Variants in NLGN3 observed in about 807,000 individuals in gnomAD.
NLGN3 encodes neuroligin 3.
In NLGN3, 11 loss-of-function variants were observed where a neutral mutation model predicts 42.9. The observed-to-expected ratio is 0.26, with a 90% CI of 0.16 to 0.42. The LOEUF (loss-of-function observed/expected upper bound fraction) is 0.42. Ranked by LOEUF, NLGN3 falls within the 10% of genes least tolerant of loss-of-function variation. The pLI, the probability that NLGN3 is intolerant of heterozygous loss-of-function variation, is 1.00. For synonymous variants in NLGN3, 279 were observed against 312.7 expected, an observed-to-expected ratio of 0.89 and a Z score of 1.14; for missense variants, 374 against 733.8, an observed-to-expected ratio of 0.51 and a Z score of 5.67.
downstream of NLGN3, among the ~76,000 whole-genome samples, chrX:71,172,976 CTTT>C (rs10615778): frequency 7.0e-5 from 7 of 100,107 alleles, no homozygotes; most frequent in African/African-American, 1.1e-4. Flanking sequence ...GATTATATGA[CTTT>C]TTTTTTTTTT....
At chrX:71,161,318 T>C (rs2092429378) in intron 5 of NLGN3, among the ~76,000 whole-genome samples, 1 of 107,384 alleles carries the variant, frequency 9.3e-6, no homozygotes, top group Non-Finnish European at 1.9e-5. Flanking sequence ...TTCTCCATGT[T>C]GGCCAGGCTG....
At chrX:71,149,509 C>A (rs1471069957) in intron 3 of NLGN3, among the ~76,000 whole-genome samples, 4 of 111,866 alleles carry the variant, frequency 3.6e-5, no homozygotes, top group Non-Finnish European at 7.5e-5. Context: ...TTTAAATTTA[C>A]CCTCATGCTG....
At position 71,169,549 on chromosome X, in the gene NLGN3, T is replaced by C; in HGVS notation, c.1999T>C (p.Trp667Arg). The change falls in exon 8 of 8, where the codon TGG becomes CGG. Residue 667 changes from tryptophan (W) to arginine (R), a missense_variant. This residue lies in a region of NLGN3 where 142 missense variants were observed against 359.1 expected (regional missense o/e 0.40). Transcript: ENST00000358741. ...HITRRPNGKT[W>R]STKRPAISPA... ...CACCCGCAGGCCCAATGGCAAGACCTGGAGCACCAAGCGGCCAGCCATCTC... is the reference window on the plus strand; with the variant it reads ...CACCCGCAGGCCCAATGGCAAGACCCGGAGCACCAAGCGGCCAGCCATCTC... 8.3e-7 allele frequency: 1 copy of C among 1,211,594 alleles called. No individual in the cohort carries two copies. The highest frequency in any genetic ancestry group is 1.1e-6 in the Non-Finnish European group (1 of 895,252).
rs2092376896 is a variant in NLGN3, at chrX:71,147,962, G to A, written c.213G>A (p.Gly71=). Residue 71 remains glycine (G), a synonymous_variant, in exon 2 of 8, where the codon GGG becomes GGA. Transcript: ENST00000358741. ...EILGPVDQYL[G]VPYAAPPIGE... is the part of the protein sequence containing the mutation. ...TGGGGCCTGTGGACCAATACCTGGG[G>A]GTGCCCTACGCAGCTCCCCCGATCG... 1.7e-6 allele frequency: 2 copies of A among 1,208,926 alleles called. No individual in the cohort carries two copies. Among genetic ancestry groups the A allele is most frequent in the Non-Finnish European group, 2.2e-6 (2 of 893,709 alleles).
chrX:71,167,863 C>T (rs776545064), intron 7 of NLGN3, 63 bp downstream of exon 7: 109 of 963,441 alleles, frequency 1.1e-4, no homozygotes, highest in Non-Finnish European at 1.5e-4. Context: ...CTCTGCTCCT[C>T]TAGCTAAACC....
chrX:71,154,797 G>C (rs1372142846), intron 4 of NLGN3, among the ~76,000 whole-genome samples: 3 of 111,257 alleles, frequency 2.7e-5, no homozygotes, highest in Non-Finnish European at 5.7e-5. Context: ...TAGTCTTGGG[G>C]GTTTCAGGGC....
rs769877152 is a variant in NLGN3 at position 71,169,952 on chromosome X, A to C, written c.2402A>C (p.Asp801Ala). The change falls in exon 8 of 8, where the codon GAT becomes GCT. Residue 801 changes from aspartate to alanine, a missense_variant. Transcript: ENST00000358741. ...DYTLTLRRSP[D>A]DIPLMTPNTI... is the part of the protein sequence containing the mutation. Reference sequence around the variant, plus strand: ...ACCCTGACCCTGCGGCGCTCCCCGGATGACATCCCACTCATGACCCCCAAC... The same window carrying C: ...ACCCTGACCCTGCGGCGCTCCCCGGCTGACATCCCACTCATGACCCCCAAC... 1 of 1,206,774 alleles carries C rather than the reference A, an allele frequency of 8.3e-7. No individual in the cohort carries two copies. Among genetic ancestry groups the C allele is most frequent in the Non-Finnish European group, 1.1e-6 (1 of 893,203 alleles).
At chrX:71,161,168 G>A (rs1406907868) in intron 5 of NLGN3, among the ~76,000 whole-genome samples, 1 of 101,024 alleles carries the variant, frequency 9.9e-6, no homozygotes, top group African/African-American at 3.7e-5. Context: ...AGGCTGCAGT[G>A]CAATGGCGCT....
chrX:71,165,137 A>C (rs1218457353), intron 6 of NLGN3, among the ~76,000 whole-genome samples: 3 of 111,692 alleles, frequency 2.7e-5, no homozygotes, highest in African/African-American at 9.8e-5. Flanking sequence ...TTAATTGAAC[A>C]CTAACCCCCT....
At position 71,147,823 on chromosome X, in the gene NLGN3, C is replaced by T; in HGVS notation, c.74C>T (p.Thr25Ile). 8.3e-7 allele frequency: 1 copy of T among 1,210,089 alleles called. No individual in the cohort carries two copies. ...ACGGTTGGCAGGAGCCTGTGCCTCA[C>T]CCTGTGGTTCCTCAGTTTGGCGCTG... ...KPTVGRSLCL[T>I]LWFLSLALRA... Residue 25 changes from threonine (T) to isoleucine (I), a missense_variant, in exon 2 of 8, where the codon ACC (threonine) becomes ATC (isoleucine). By Grantham distance (89) the Thr-to-Ile change is moderately conservative. Coordinates refer to ENST00000358741, the MANE Select transcript of NLGN3 (RefSeq NM_181303.2).
intron 4 of NLGN3, 94 bp from the exon 5 acceptor site, chrX:71,155,120 A>G: frequency 9.6e-7 from 1 of 1,038,041 alleles, no homozygotes; most frequent in Non-Finnish European, 1.3e-6. Flanking sequence ...GGCACCTGGG[A>G]TAGCTTTGCT....
downstream of NLGN3, among the ~76,000 whole-genome samples, chrX:71,173,831 T>C (rs1396263345): frequency 8.9e-6 from 1 of 111,791 alleles, no homozygotes; most frequent in African/African-American, 3.3e-5. Flanking sequence ...TGTGCTTCAA[T>C]TGTATGGTAA....
At chrX:71,161,069 C>T (rs972679264) in intron 5 of NLGN3, among the ~76,000 whole-genome samples, 74 of 110,746 alleles carry the variant, frequency 6.7e-4, no homozygotes, top group Middle Eastern at 9.3e-3. Flanking sequence ...CTGTCATCTT[C>T]CTGAGCCTGT....
At chrX:71,149,988 G>A (rs2092384773) in intron 3 of NLGN3, among the ~76,000 whole-genome samples, 1 of 111,135 alleles carries the variant, frequency 9.0e-6, no homozygotes. Context: ...TCAGAATGGG[G>A]TTGCCAGGAT....
chrX:71,147,485 C>T (rs1391851778), intron 1 of NLGN3, 65 bp from the exon 2 acceptor site: 7 of 427,103 alleles, frequency 1.6e-5, no homozygotes, highest in Non-Finnish European at 2.9e-5. Flanking sequence ...AGCAGGGCCC[C>T]CAAAGACCAA....
chrX:71,155,162 G>T (rs754705408), intron 4 of NLGN3, 52 bp from the exon 5 acceptor site: 13 of 1,200,773 alleles, frequency 1.1e-5, no homozygotes, highest in African/African-American at 5.2e-5. Flanking sequence ...TGGCAGGGGT[G>T]GGGGAGCAAG....
At chrX:71,162,577 T>C (rs1243986008) in intron 5 of NLGN3, among the ~76,000 whole-genome samples, 1 of 112,329 alleles carries the variant, frequency 8.9e-6, no homozygotes, top group Non-Finnish European at 1.9e-5. Context: ...CTCTGGAACC[T>C]GGGGCTAAAG....
chrX:71,168,842 AAAG>A, intron 7 of NLGN3, among the ~76,000 whole-genome samples: 3 of 88,404 alleles, frequency 3.4e-5, no homozygotes, highest in African/African-American at 1.8e-4. Flanking sequence ...AGAAAGAAAG[AAAG>A]AAAGAAAGAA....
In NLGN3 at chrX:71,169,156, C is replaced by G. The variant is rs2233443; in HGVS notation, c.1704-98C>G. 494 of 1,016,460 alleles carry G rather than the reference C, an allele frequency of 4.9e-4. No homozygotes were observed. The African/African-American group carries it at 8.3e-3, about 17-fold the overall frequency. The allele number at this position is 1,016,460 out of a possible 1,213,427, so 83.8% of individuals were successfully genotyped here. On this transcript the variant is annotated intron_variant, in intron 7 of 7. Coordinates refer to ENST00000358741, the MANE Select transcript of NLGN3 (RefSeq NM_181303.2). ...AAAAAGATGGAAATGGTGGGAAGTT[C>G]TAAACTGGGAAAGAGGTTTGGCTGT...
Sources: allele counts gnomAD v4.1 joint callset (sites outside exome capture counted in the v4.1 genomes callset), GRCh38; gene constraint gnomAD v4.1.1; regional missense constraint gnomAD v4.1.1; transcripts MANE v1.5; gene names NCBI Gene and HGNC (gene_info 2026-07-23, HGNC 2026-07-21).